Variants in KCNQ5 observed in about 807,000 individuals in gnomAD.
The protein encoded by KCNQ5 is potassium voltage-gated channel subfamily Q member 5.
In KCNQ5, 30 loss-of-function variants were observed where a neutral mutation model predicts 98.2. The observed-to-expected ratio is 0.31, with a 90% CI of 0.23 to 0.41. KCNQ5 has a LOEUF of 0.41. Among genes scored for constraint, KCNQ5 ranks in the 10% least tolerant of loss-of-function variants. The probability of loss-of-function intolerance (pLI) is 1.00; values close to 1 mark genes in which losing one functional copy is unlikely to be tolerated. For missense variants in KCNQ5, 835 were observed against 1,182.5 expected, an observed-to-expected ratio of 0.71 and a Z score of 4.31; for synonymous variants, 458 against 449.4, an observed-to-expected ratio of 1.02 and a Z score of -0.24.
chr6:72,848,954 C>A (rs890988721), intron 1 of KCNQ5, among the ~76,000 whole-genome samples: 1 of 152,076 alleles, frequency 6.6e-6, no homozygotes, highest in African/African-American at 2.4e-5. Flanking sequence ...TATAAATGAC[C>A]CAGTCTCAGG....
chr6:72,941,621 T>TC, intron 1 of KCNQ5, among the ~76,000 whole-genome samples: 1 of 65,468 alleles, frequency 1.5e-5, no homozygotes, highest in African/African-American at 3.3e-5. Flanking sequence ...CTTCCTGACT[T>TC]CCTCCCCTCC....
chr6:72,725,958 C>T (rs1770239768), intron 1 of KCNQ5, among the ~76,000 whole-genome samples: 1 of 151,962 alleles, frequency 6.6e-6, no homozygotes, highest in Non-Finnish European at 1.5e-5. Flanking sequence ...TAGTTTATAA[C>T]AAAAATGGAT....
chr6:72,744,086 T>C (rs906884065), intron 1 of KCNQ5, among the ~76,000 whole-genome samples: 2 of 151,590 alleles, frequency 1.3e-5, no homozygotes, highest in African/African-American at 4.8e-5. Context: ...GCACTGGCAC[T>C]TAAAACATTC....
At chr6:72,657,540 A>G (rs1565062278) in intron 1 of KCNQ5, among the ~76,000 whole-genome samples, 1 of 152,200 alleles carries the variant, frequency 6.6e-6, no homozygotes, top group Non-Finnish European at 1.5e-5. Context: ...AAGGTTTTGA[A>G]GTTTGCCTCA....
intron 1 of KCNQ5, among the ~76,000 whole-genome samples, chr6:72,672,105 G>T (rs7742742): frequency 6.7e-6 from 1 of 149,480 alleles, no homozygotes; most frequent in East Asian, 2.0e-4. Context: ...CATGAGCCAC[G>T]ACGCCTGGCC....
At chr6:72,932,490 T>A (rs1185623833) in intron 1 of KCNQ5, among the ~76,000 whole-genome samples, 3 of 152,206 alleles carry the variant, frequency 2.0e-5, no homozygotes, top group African/African-American at 7.2e-5. Context: ...CTCAATGATA[T>A]GCATGTATCA....
intron 1 of KCNQ5, among the ~76,000 whole-genome samples, chr6:72,840,687 A>G (rs149917706): frequency 8.5e-5 from 13 of 152,338 alleles, no homozygotes; most frequent in Non-Finnish European, 1.6e-4. Flanking sequence ...CTTACTCTTC[A>G]AGATTACAAA....
intron 1 of KCNQ5, among the ~76,000 whole-genome samples, chr6:72,714,217 T>C (rs1769525525): frequency 6.6e-6 from 1 of 152,224 alleles, no homozygotes; most frequent in Non-Finnish European, 1.5e-5. Context: ...CTCTACCTAA[T>C]TAACTATCTT....
chr6:72,802,751 A>G (rs1774728232), intron 1 of KCNQ5, among the ~76,000 whole-genome samples: 1 of 152,098 alleles, frequency 6.6e-6, no homozygotes, highest in Non-Finnish European at 1.5e-5. Flanking sequence ...ACCAGTTGAA[A>G]ATAGAGCAGA....
chr6:72,793,704 A>C (rs1045399589), intron 1 of KCNQ5, among the ~76,000 whole-genome samples: 1 of 152,252 alleles, frequency 6.6e-6, no homozygotes, highest in African/African-American at 2.4e-5. Flanking sequence ...TCCAAGAAAA[A>C]GGGGGATGTG....
chr6:72,647,646 C>T (rs1344484149), intron 1 of KCNQ5, among the ~76,000 whole-genome samples: 1 of 152,096 alleles, frequency 6.6e-6, no homozygotes, highest in Non-Finnish European at 1.5e-5. Flanking sequence ...TGCCCCTGAC[C>T]TCCAGGACCC....
At chr6:72,684,116 C>G (rs1237642310) in intron 1 of KCNQ5, among the ~76,000 whole-genome samples, 1 of 152,190 alleles carries the variant, frequency 6.6e-6, no homozygotes. Flanking sequence ...CACCTGGTCT[C>G]TATAAAGCAA....
chr6:73,166,075 G>C (rs146871967), intron 10 of KCNQ5, among the ~76,000 whole-genome samples: 2 of 152,056 alleles, frequency 1.3e-5, no homozygotes, highest in East Asian at 3.9e-4. Context: ...TCCAGGTGTC[G>C]CTCGGCAAGT....
intron 1 of KCNQ5, among the ~76,000 whole-genome samples, chr6:72,904,719 C>A (rs941046919): frequency 2.6e-5 from 4 of 152,204 alleles, no homozygotes; most frequent in African/African-American, 9.6e-5. Flanking sequence ...TGTAGGATTT[C>A]TGCTTAGAAA....
At chr6:72,726,420 A>C (rs1037765853) in intron 1 of KCNQ5, among the ~76,000 whole-genome samples, 8 of 152,038 alleles carry the variant, frequency 5.3e-5, no homozygotes, top group Non-Finnish European at 1.2e-4. Context: ...TCACTGTGTT[A>C]GCCAGGATGG....
intron 1 of KCNQ5, among the ~76,000 whole-genome samples, chr6:72,748,828 G>T (rs987352172): frequency 3.3e-5 from 5 of 152,182 alleles, no homozygotes; most frequent in Non-Finnish European, 5.9e-5. Context: ...GAAAGCCCAA[G>T]TATTGCATTT....
intron 5 of KCNQ5, among the ~76,000 whole-genome samples, chr6:73,095,576 T>C (rs1311982401): frequency 6.6e-6 from 1 of 152,194 alleles, no homozygotes; most frequent in Non-Finnish European, 1.5e-5. Flanking sequence ...GATCTAGGGC[T>C]GAAGGCTGTT....
At chr6:72,631,692 G>A (rs190030412) in intron 1 of KCNQ5, among the ~76,000 whole-genome samples, 1 of 152,278 alleles carries the variant, frequency 6.6e-6, no homozygotes, top group African/African-American at 2.4e-5. Context: ...TCAGAAGTGA[G>A]GAGAGGAAAC....
At chr6:72,998,612 C>T (rs1401375092) in intron 1 of KCNQ5, among the ~76,000 whole-genome samples, 2 of 151,932 alleles carry the variant, frequency 1.3e-5, no homozygotes, top group Admixed American at 1.3e-4. Flanking sequence ...TGGTGGGTGC[C>T]TGTAGTCCCA....
Sources: gnomAD v4.1 joint callset for allele counts (sites outside exome capture counted in the v4.1 genomes callset) on GRCh38, gnomAD v4.1.1 for gene constraint, MANE v1.5 for transcripts, NCBI Gene and HGNC (gene_info 2026-07-23, HGNC 2026-07-21) for gene names.